Variants in TEKT3 observed in about 807,000 individuals in gnomAD.
TEKT3 encodes tektin 3, also known as tektin-3.
Under a neutral mutation model 49.8 loss-of-function variants are expected in TEKT3, and 49 were observed. The observed-to-expected ratio is 0.98, with a 90% confidence interval of 0.78 to 1.25. The LOEUF is 1.25. Among genes scored for constraint, TEKT3 ranks in the 50% most tolerant of loss-of-function variants. The pLI, the probability that TEKT3 is intolerant of heterozygous loss-of-function variation, is 0.00. For missense variants in TEKT3, 595 were observed against 629.5 expected (o/e 0.95, Z 0.59); for synonymous variants, 225 against 237.2 (o/e 0.95, Z 0.47).
At chr17:15,337,228 A>G (rs1185312916) in intron 2 of TEKT3, among the ~76,000 whole-genome samples, 3 of 152,076 alleles carry the variant, frequency 2.0e-5, no homozygotes, top group African/African-American at 4.8e-5. Context: ...CAATATTTTT[A>G]AGAATGTAAA....
chr17:15,319,783 A>G (rs1911173301), intron 4 of TEKT3, among the ~76,000 whole-genome samples: 1 of 152,214 alleles, frequency 6.6e-6, no homozygotes, highest in Non-Finnish European at 1.5e-5. Context: ...AGCCCATAAC[A>G]TGTCAGAGAC....
intron 4 of TEKT3, among the ~76,000 whole-genome samples, chr17:15,326,537 T>C (rs372128514): frequency 6.6e-6 from 1 of 152,128 alleles, no homozygotes; most frequent in African/African-American, 2.4e-5. Flanking sequence ...ATCAACCAGG[T>C]ATTTTTTTAA....
At chr17:15,313,268 A>C (rs912327578) in intron 6 of TEKT3, among the ~76,000 whole-genome samples, 6 of 152,220 alleles carry the variant, frequency 3.9e-5, no homozygotes, top group African/African-American at 1.4e-4. Flanking sequence ...CAGACAGGCT[A>C]TATTTCAACT....
intron 2 of TEKT3, among the ~76,000 whole-genome samples, chr17:15,335,095 G>A (rs1911928419): frequency 6.6e-6 from 1 of 152,242 alleles, no homozygotes; most frequent in African/African-American, 2.4e-5. Context: ...TCAAGGTATT[G>A]TGCCTAAAGG....
At chr17:15,306,338 C>T (rs989319159) in intron 8 of TEKT3, among the ~76,000 whole-genome samples, 5 of 151,944 alleles carry the variant, frequency 3.3e-5, no homozygotes, top group South Asian at 4.2e-4. Flanking sequence ...AAATCTAGAC[C>T]GCCGAAGGGC....
chr17:15,340,209 A>G (rs2150757485), intron 1 of TEKT3, 148 bp from the exon 2 acceptor site: 1 of 152,294 alleles, frequency 6.6e-6, no homozygotes, highest in Admixed American at 6.5e-5. Context: ...CAACAGTTCA[A>G]ATGAATGACC....
rs758735582 is a variant in TEKT3 at position 15,319,094 on chromosome 17, C to T, written c.717G>A (p.Lys239=). 2 of 1,612,078 alleles carry T rather than the reference C, an allele frequency of 1.2e-6. No individual in the cohort carries two copies. The highest frequency in any genetic ancestry group is 8.5e-7 in the Non-Finnish European group (1 of 1,179,314). The change falls in exon 5 of 9, where the codon AAG becomes AAA. Residue 239 remains lysine, a synonymous_variant. Transcript: ENST00000395930. The part of the protein sequence containing the change: ...CQERMKLHLD[K]AIAQLAANRA... ...GCTCTTACGCAAGTTGGGCAATAGC[C>T]TTATCCAAATGTAGCTTCATTCTTT...
intron 4 of TEKT3, among the ~76,000 whole-genome samples, chr17:15,324,546 A>G (rs886320619): frequency 6.6e-6 from 1 of 152,180 alleles, no homozygotes; most frequent in African/African-American, 2.4e-5. Context: ...TTACACTCCC[A>G]TCAGCAATGT....
intron 4 of TEKT3, among the ~76,000 whole-genome samples, chr17:15,323,448 A>G (rs1911351235): frequency 6.6e-6 from 1 of 151,984 alleles, no homozygotes; most frequent in South Asian, 2.1e-4. Context: ...AAGTCCAAGG[A>G]GTCAGTACGG....
Position 15,319,167 on chromosome 17 carries a change from AC to A in TEKT3, c.664-21del, listed in dbSNP as rs750846246. 43 of 1,579,870 alleles carry A rather than the reference AC, an allele frequency of 2.7e-5. No homozygotes were observed. The African/African-American group carries it at 3.5e-4, about 13-fold the overall frequency. ...AACTTCCTACTCAATTGGAAAAAAA[AC>A]ATATTAATGTTTTCATTATTGAATA... is the stretch of plus-strand genomic sequence containing the variant. On this transcript the variant is annotated intron_variant, in intron 4 of 8. Coordinates refer to ENST00000395930, the MANE Select transcript of TEKT3 (RefSeq NM_031898.3).
intron 2 of TEKT3, among the ~76,000 whole-genome samples, chr17:15,332,822 C>G (rs1169665292): frequency 6.6e-6 from 1 of 152,122 alleles, no homozygotes; most frequent in African/African-American, 2.4e-5. Flanking sequence ...CCTTCCTCCC[C>G]GCAAAGGTGA....
At chr17:15,324,970 C>T (rs968040551) in intron 4 of TEKT3, among the ~76,000 whole-genome samples, 6 of 152,236 alleles carry the variant, frequency 3.9e-5, no homozygotes, top group African/African-American at 1.4e-4. Context: ...TGGAATCCAA[C>T]TTCATTCTTT....
chr17:15,312,447 C>A lies in TEKT3; in HGVS notation c.913G>T (p.Asp305Tyr), dbSNP rs1370004761. The change falls in exon 7 of 9, where the codon GAT (aspartate) becomes TAT (tyrosine). Residue 305 changes from aspartate to tyrosine, a missense_variant. Physicochemically the swap from Asp to Tyr is radical, Grantham distance 160. Coordinates refer to ENST00000395930, the MANE Select transcript of TEKT3 (RefSeq NM_031898.3). ...CTCTGGGAGCGGAGAATATTGTCAT[C>A]TGTAAATTTGGCCCAGGACTCAGGC... The part of the protein sequence containing the change: ...SVPESWAKFT[D>Y]DNILRSQSER... 2 of 1,614,134 alleles carry A rather than the reference C, an allele frequency of 1.2e-6. No homozygotes were observed. Among genetic ancestry groups the A allele is most frequent in the African/African-American group, 1.3e-5 (1 of 75,020 alleles).
chr17:15,304,175 T>C lies in TEKT3; in HGVS notation c.1257-23A>G. On this transcript the variant is annotated intron_variant, in intron 8 of 8. Coordinates refer to ENST00000395930, the MANE Select transcript of TEKT3 (RefSeq NM_031898.3). This position sits in a 1 kb window ranked among gnomAD's most constrained non-coding sequence, Gnocchi z 4.7. The stretch of plus-strand genomic sequence containing the variant: ...AGGCTGCAGCATAAAGGAATCAGCA[T>C]GGTTAGGTCAGCATGTAGCTTACGC... 3 of 1,613,182 alleles carry C rather than the reference T, an allele frequency of 1.9e-6. No individual in the cohort carries two copies. Among genetic ancestry groups the C allele is most frequent in the Non-Finnish European group, 2.5e-6 (3 of 1,179,192 alleles).
At chr17:15,308,384 T>C (rs1230010596) in intron 8 of TEKT3, among the ~76,000 whole-genome samples, 1 of 152,140 alleles carries the variant, frequency 6.6e-6, no homozygotes, top group African/African-American at 2.4e-5. Flanking sequence ...TGTGGTAAAA[T>C]ATACATAACA....
chr17:15,317,261 A>G lies in TEKT3; in HGVS notation c.734+1816T>C, dbSNP rs537799535. 8.5e-5 allele frequency among the ~76,000 whole-genome samples: 13 copies of G among 152,338 alleles called. No individual in the cohort carries two copies. In the East Asian group the frequency reaches 2.5e-3, roughly 29 times the overall value. The stretch of plus-strand genomic sequence containing the variant: ...CTGCAATACAGCCAGTATTGAGGCA[A>G]TTTGTAACAGGGATTTACATGAGAT... On this transcript the variant is annotated intron_variant, in intron 5 of 8. Coordinates refer to ENST00000395930, the MANE Select transcript of TEKT3 (RefSeq NM_031898.3).
In TEKT3 at chr17:15,314,730, C is replaced by T. The variant is rs896742202; in HGVS notation, c.735-500G>A. ...GAGCCTCCTGCCATCCATTGGTAACCTTGGTTTGTGGTCATGCTGTGGCTA... is the reference window on the plus strand; with the variant it reads ...GAGCCTCCTGCCATCCATTGGTAACTTTGGTTTGTGGTCATGCTGTGGCTA... On this transcript the variant is annotated intron_variant, in intron 5 of 8. Transcript: ENST00000395930. Among the ~76,000 whole-genome samples the T allele has an allele frequency of 4.6e-5, 7 of 152,284 alleles. No individual in the cohort carries two copies. The South Asian group carries it at 6.2e-4, about 14-fold the overall frequency.
rs138434215 is a variant in TEKT3 at position 15,329,720 on chromosome 17, G to A, written c.579+1287C>T. Among the ~76,000 whole-genome samples, 472 of 152,188 alleles carry A rather than the reference G, an allele frequency of 3.1e-3. 1 individual carries two copies. The highest frequency in any genetic ancestry group is 0.011 in the African/African-American group (457 of 41,536). On this transcript the variant is annotated intron_variant, in intron 3 of 8. Coordinates refer to ENST00000395930, the MANE Select transcript of TEKT3 (RefSeq NM_031898.3). ...GGGTTGCAGTAGGAAGTGACAGTGC[G>A]CAGGGTGCCCCAAGAAACTCCTCCG...
At chr17:15,333,474 C>T (rs1911857735) in intron 2 of TEKT3, among the ~76,000 whole-genome samples, 1 of 152,086 alleles carries the variant, frequency 6.6e-6, no homozygotes, top group Non-Finnish European at 1.5e-5. Flanking sequence ...GGCCCCCAAA[C>T]GTGTTATACT....
Sources: gnomAD v4.1 joint callset for allele counts (sites outside exome capture counted in the v4.1 genomes callset) on GRCh38, gnomAD v4.1.1 for gene constraint, Gnocchi (gnomAD v3.1) non-coding constraint, MANE v1.5 for transcripts, NCBI Gene and HGNC (gene_info 2026-07-23, HGNC 2026-07-21) for gene names.